Variants in WDR53 observed in about 807,000 individuals in gnomAD.
WDR53 encodes WD repeat-containing protein 53.
Under a neutral mutation model 21.3 loss-of-function variants are expected in WDR53, and 19 were observed. That is an observed-to-expected ratio of 0.89 (90% CI 0.62 to 1.31). WDR53 has a LOEUF of 1.31. WDR53 is among the 50% of genes most tolerant of loss of function. The pLI is 0.00. For missense variants in WDR53, 374 were observed against 423.2 expected, an observed-to-expected ratio of 0.88 and a Z score of 1.02; for synonymous variants, 157 against 163.4, an observed-to-expected ratio of 0.96 and a Z score of 0.30.
intron 2 of WDR53, 85 bp from the exon 3 acceptor site, chr3:196,561,576 T>A: frequency 7.6e-7 from 1 of 1,321,956 alleles, no homozygotes; most frequent in South Asian, 1.8e-5. Context: ...CAATATTTCA[T>A]CTTTTAAAAT....
In WDR53 at chr3:196,567,055, G is replaced by A. The variant is rs763772333; in HGVS notation, c.-195C>T. On this transcript the variant is annotated 5_prime_UTR_variant, in exon 2 of 4. Coordinates refer to ENST00000332629, the MANE Select transcript of WDR53 (RefSeq NM_182627.3). ...AGTGATCTCTAAACACTCTGCACTA[G>A]TCATACCACCACCGTCCCGTTCAAG... The A allele has an allele frequency of 2.3e-6, 1 of 428,856 alleles. No homozygotes were observed. The highest frequency in any genetic ancestry group is 4.7e-6 in the Non-Finnish European group (1 of 213,526). 26.6% of individuals were successfully genotyped at this position (428,856 alleles called of 1,614,324 possible).
At chr3:196,564,438 G>A (rs1735187057) in intron 2 of WDR53, among the ~76,000 whole-genome samples, 1 of 136,768 alleles carries the variant, frequency 7.3e-6, no homozygotes, top group Non-Finnish European at 1.5e-5. Context: ...CTGTCATGCA[G>A]GCCTTGACCT....
rs773255653 is a variant in WDR53 at position 196,567,152 on chromosome 3, T to C, written c.-292A>G. 19 of 457,026 alleles carry C rather than the reference T, an allele frequency of 4.2e-5. No individual in the cohort carries two copies. Among genetic ancestry groups the C allele is most frequent in the Non-Finnish European group, 4.4e-6 (1 of 227,058 alleles). 28.3% of individuals were successfully genotyped at this position (457,026 alleles called of 1,614,324 possible). The stretch of plus-strand genomic sequence containing the variant: ...TTCTCAGATGGATCAACTCTGCTTA[T>C]CCTTGAAGACTTCAAAGAAATTAGT... On this transcript the variant is annotated 5_prime_UTR_variant, in exon 2 of 4. Transcript: ENST00000332629.
At chr3:196,560,462 G>T (rs962701199) in intron 3 of WDR53, among the ~76,000 whole-genome samples, 10 of 152,074 alleles carry the variant, frequency 6.6e-5, no homozygotes, top group Non-Finnish European at 1.5e-4. Flanking sequence ...GGCTGGTCTT[G>T]ATGACCTCAA....
intron 1 of WDR53, among the ~76,000 whole-genome samples, 157 bp from the exon 2 acceptor site, chr3:196,567,464 T>G (rs11924582): frequency 6.6e-6 from 1 of 152,116 alleles, no homozygotes; most frequent in African/African-American, 2.4e-5. Context: ...GGATTATACA[T>G]AGCAAGAAGC....
Position 196,567,638 on chromosome 3 carries a change from C to T in WDR53, c.-447-331G>A, listed in dbSNP as rs187512536. Among the ~76,000 whole-genome samples, 111 of 152,106 alleles carry T rather than the reference C, an allele frequency of 7.3e-4. 1 individual carries two copies. Among genetic ancestry groups the T allele is most frequent in the African/African-American group, 2.6e-3 (109 of 41,416 alleles). On this transcript the variant is annotated intron_variant, in intron 1 of 3. Transcript: ENST00000332629. ...GTAGTATACAGTGCCTGGTTCACAC[C>T]GTGGCTCAAATGATGGTTATTATTA...
rs1217055288 is a variant in WDR53 at position 196,561,446 on chromosome 3, A to G, written c.30T>C (p.Ser10=). 6.2e-7 allele frequency: 1 copy of G among 1,613,778 alleles called. No homozygotes were observed. The highest frequency in any genetic ancestry group is 8.5e-7 in the Non-Finnish European group (1 of 1,179,966). The change falls in exon 3 of 4, where the codon TCT becomes TCC. Residue 10 remains serine, a synonymous_variant. Coordinates refer to ENST00000332629, the MANE Select transcript of WDR53 (RefSeq NM_182627.3). ...TTGCATTCAGGCAGAGGACAGGAGA[A>G]GAATGCCCACCCGTCCACTTGACTG... MAVKWTGGH[S]SPVLCLNASK... is the part of the protein sequence containing the mutation.
chr3:196,556,948 T>A (rs1216822619), intron 3 of WDR53, among the ~76,000 whole-genome samples: 1 of 152,202 alleles, frequency 6.6e-6, no homozygotes. Flanking sequence ...ACTGTTCCTG[T>A]CTGGACATTC....
Position 196,554,629 on chromosome 3 carries a change from T to C in WDR53, c.659A>G (p.Lys220Arg). 6.2e-7 allele frequency: 1 copy of C among 1,614,130 alleles called. No homozygotes were observed. Among genetic ancestry groups the C allele is most frequent in the Non-Finnish European group, 8.5e-7 (1 of 1,180,006 alleles). Reference protein sequence around the residue: ...NIFSCGAEDGKVRIFRVMGVK... With the variant: ...NIFSCGAEDGRVRIFRVMGVK... ...TCCCATCACCCGAAAGATTCGAACC[T>C]TACCATCTTCTGCACCACAACTAAA... The change falls in exon 4 of 4, where the codon AAG (lysine) becomes AGG (arginine). Residue 220 changes from lysine to arginine, a missense_variant. By Grantham distance (26) the Lys-to-Arg change is conservative (BLOSUM62 2). Coordinates refer to ENST00000332629, the MANE Select transcript of WDR53 (RefSeq NM_182627.3).
chr3:196,555,223 C>T (rs1734223244), intron 3 of WDR53, among the ~76,000 whole-genome samples: 1 of 152,200 alleles, frequency 6.6e-6, no homozygotes, highest in South Asian at 2.1e-4. Flanking sequence ...CATTGAAATG[C>T]TTTCCATCTG....
intron 2 of WDR53, among the ~76,000 whole-genome samples, 200 bp from the exon 3 acceptor site, chr3:196,561,691 T>C (rs766383518): frequency 1.6e-4 from 25 of 151,980 alleles, no homozygotes; most frequent in Non-Finnish European, 1.6e-4. Flanking sequence ...GTATCCTGGC[T>C]GGCAAATACT....
At position 196,554,696 on chromosome 3, in the gene WDR53, C is replaced by T; in HGVS notation, c.592G>A (p.Ala198Thr). Residue 198 changes from alanine to threonine, a missense_variant, in exon 4 of 4, where the codon GCC becomes ACC. Transcript: ENST00000332629. ...PQSPGQLLNP[A>T]LAHSISVASC... ...GCCACAGAGATAGAATGGGCTAGGG[C>T]AGGGTTTAAGAGCTGACCAGGTGAC... The T allele has an allele frequency of 6.2e-7, 1 of 1,614,172 alleles. No individual in the cohort carries two copies. The highest frequency in any genetic ancestry group is 8.5e-7 in the Non-Finnish European group (1 of 1,180,024).
intron 2 of WDR53, among the ~76,000 whole-genome samples, chr3:196,562,428 A>ATTTTTGTAT (rs1161906507): frequency 9.9e-5 from 15 of 152,046 alleles, no homozygotes; most frequent in Non-Finnish European, 1.6e-4. Flanking sequence ...TGCCTGGCTA[A>ATTTTTGTAT]TTTTTGTATT....
chr3:196,560,921 C>G, intron 3 of WDR53, 75 bp downstream of exon 3: 1 of 1,519,200 alleles, frequency 6.6e-7, no homozygotes, highest in Non-Finnish European at 8.8e-7. Flanking sequence ...AAAGATATTT[C>G]GTGTGATCAA....
intron 3 of WDR53, among the ~76,000 whole-genome samples, chr3:196,556,414 TG>T (rs1027741244): frequency 6.6e-6 from 1 of 152,084 alleles, no homozygotes; most frequent in Non-Finnish European, 1.5e-5. Context: ...CCCAGCACTT[TG>T]GGAGGCTGAG....
chr3:196,563,638 C>T (rs1320475596), intron 2 of WDR53, among the ~76,000 whole-genome samples: 17 of 151,016 alleles, frequency 1.1e-4, no homozygotes, highest in Non-Finnish European at 2.1e-4. Flanking sequence ...ATGGCACAAT[C>T]TCAGCTCTCT....
chr3:196,561,193 C>T lies in WDR53; in HGVS notation c.283G>A (p.Glu95Lys). 6.2e-7 allele frequency: 1 copy of T among 1,614,230 alleles called. No individual in the cohort carries two copies. Among genetic ancestry groups the T allele is most frequent in the East Asian group, 2.2e-5 (1 of 44,890 alleles). ...TTCAATGAAAGACAATTGATTTCTTCTTCATTCACATGAAAATGGTCCAAG... is the reference window on the plus strand; with the variant it reads ...TTCAATGAAAGACAATTGATTTCTTTTTCATTCACATGAAAATGGTCCAAG... ...DSLDHFHVNE[E>K]EINCLSLNQT... Residue 95 changes from glutamate (E) to lysine (K), a missense_variant, in exon 3 of 4, where the codon GAA becomes AAA. By Grantham distance (56) the Glu-to-Lys change is moderately conservative. Coordinates refer to ENST00000332629, the MANE Select transcript of WDR53 (RefSeq NM_182627.3).
intron 3 of WDR53, among the ~76,000 whole-genome samples, chr3:196,558,631 G>A (rs1734551508): frequency 6.6e-6 from 1 of 152,230 alleles, no homozygotes. Flanking sequence ...CCTGCCTTGA[G>A]ATAAAATTTG....
intron 2 of WDR53, among the ~76,000 whole-genome samples, chr3:196,562,859 G>C (rs1735011228): frequency 6.6e-6 from 1 of 152,066 alleles, no homozygotes; most frequent in Non-Finnish European, 1.5e-5. Context: ...TTGAGACAGG[G>C]TTTTGCTCTG....
Sources: allele counts gnomAD v4.1 joint callset (sites outside exome capture counted in the v4.1 genomes callset), GRCh38; gene constraint gnomAD v4.1.1; transcripts MANE v1.5; gene names NCBI Gene and HGNC (gene_info 2026-07-23, HGNC 2026-07-21).